The following GALNT13 variants were observed in gnomAD, a reference collection of about 807,000 sequenced individuals.
GALNT13 encodes the protein polypeptide N-acetylgalactosaminyltransferase 13, also known as UDP-GalNAc:polypeptide N-acetylgalactosaminyltransferase 13.
A neutral mutation model predicts 64.2 loss-of-function variants in GALNT13; 28 were observed. That is an observed-to-expected ratio of 0.44 (90% confidence interval 0.32 to 0.60). GALNT13 has a LOEUF of 0.60. Among genes scored for constraint, GALNT13 ranks in the 20% least tolerant of loss-of-function variants. The pLI is 0.05. For synonymous variants in GALNT13, 214 were observed against 224.6 expected (o/e 0.95, Z 0.42); for missense variants, 577 against 669.8 (o/e 0.86, Z 1.53).
chr2:153,469,371 C>A, the GALNT13 span, among the ~76,000 whole-genome samples: 1 of 152,092 alleles, frequency 6.6e-6, no homozygotes, highest in Non-Finnish European at 1.5e-5. Context: ...TCCAACCACA[C>A]TATCAGCAAC....
chr2:153,554,752 G>T, the GALNT13 span, among the ~76,000 whole-genome samples: 9 of 151,890 alleles, frequency 5.9e-5, no homozygotes, highest in East Asian at 1.7e-3. Flanking sequence ...GTGCCTTATT[G>T]GAGAACTGAA....
chr2:154,450,780 A>G lies in GALNT13; in HGVS notation c.*229A>G. On this transcript the variant is annotated 3_prime_UTR_variant, in exon 13 of 13. Transcript: ENST00000392825. The stretch of plus-strand genomic sequence containing the variant: ...AATAATAGCAAACTACTATTAAACA[A>G]CAGAACAACTTGTAAAACAAATTGT... 2.5e-6 allele frequency: 1 copy of G among 395,712 alleles called. No homozygotes were observed. 24.5% of individuals were successfully genotyped at this position (395,712 alleles called of 1,614,324 possible).
chr2:153,397,290 G>A, the GALNT13 span, among the ~76,000 whole-genome samples: 1 of 152,048 alleles, frequency 6.6e-6, no homozygotes, highest in Non-Finnish European at 1.5e-5. Context: ...ATTTTACATA[G>A]CATACATGTT....
chr2:153,922,123 T>C (rs915083269), intron 2 of GALNT13, among the ~76,000 whole-genome samples: 4 of 152,154 alleles, frequency 2.6e-5, no homozygotes, highest in Non-Finnish European at 4.4e-5. Context: ...AATAAAATGT[T>C]GATTGCTATT....
At chr2:154,126,834 G>C (rs1439967035) in intron 3 of GALNT13, among the ~76,000 whole-genome samples, 1 of 151,900 alleles carries the variant, frequency 6.6e-6, no homozygotes, top group Non-Finnish European at 1.5e-5. Flanking sequence ...TATTCACTTG[G>C]GGGTCTCCCA....
At chr2:153,188,819 T>C in the GALNT13 span, among the ~76,000 whole-genome samples, 1 of 152,180 alleles carries the variant, frequency 6.6e-6, no homozygotes, top group Non-Finnish European at 1.5e-5. Flanking sequence ...CTATTTCTTA[T>C]ATGCAAGAAA....
intron 12 of GALNT13, among the ~76,000 whole-genome samples, chr2:154,442,481 A>G (rs1304949746): frequency 6.6e-6 from 1 of 152,126 alleles, no homozygotes; most frequent in African/African-American, 2.4e-5. Flanking sequence ...GGGCATCATT[A>G]GCAAAATTGT....
At chr2:153,602,935 G>C in the GALNT13 span, among the ~76,000 whole-genome samples, 1 of 151,726 alleles carries the variant, frequency 6.6e-6, no homozygotes, top group African/African-American at 2.4e-5. Context: ...ATACAAGATG[G>C]GTCTCAATTC....
the GALNT13 span, chr2:153,371,203 C>T: frequency 3.3e-5 from 5 of 152,170 alleles, no homozygotes; most frequent in African/African-American, 9.6e-5. Context: ...TAATACGGGT[C>T]ATCTCCAAAA....
the GALNT13 span, among the ~76,000 whole-genome samples, chr2:153,236,192 T>A: frequency 6.6e-6 from 1 of 151,974 alleles, no homozygotes; most frequent in East Asian, 1.9e-4. Flanking sequence ...CTAACAGAGG[T>A]TGGTTCATGA....
the GALNT13 span, among the ~76,000 whole-genome samples, chr2:153,381,896 G>A: frequency 6.6e-6 from 1 of 152,170 alleles, no homozygotes; most frequent in Admixed American, 6.5e-5. Flanking sequence ...CAGAAACAAA[G>A]CACTGTTACA....
At chr2:153,094,911 T>G in the GALNT13 span, among the ~76,000 whole-genome samples, 3 of 152,112 alleles carry the variant, frequency 2.0e-5, no homozygotes, top group African/African-American at 4.8e-5. Flanking sequence ...GGACTTAAAT[T>G]TTAGACCTAA....
At chr2:153,167,991 G>A in the GALNT13 span, among the ~76,000 whole-genome samples, 2 of 152,162 alleles carry the variant, frequency 1.3e-5, no homozygotes, top group African/African-American at 2.4e-5. Flanking sequence ...CTCTCAAAAT[G>A]TCCACCATGC....
chr2:154,121,209 T>C (rs1420933706), intron 3 of GALNT13, among the ~76,000 whole-genome samples: 3 of 152,214 alleles, frequency 2.0e-5, no homozygotes, highest in Admixed American at 6.5e-5. Flanking sequence ...TTTCCAAGTA[T>C]TGGAATTTTC....
At chr2:154,351,771 T>A (rs1304835200) in intron 9 of GALNT13, among the ~76,000 whole-genome samples, 1 of 144,440 alleles carries the variant, frequency 6.9e-6, no homozygotes, top group African/African-American at 2.5e-5. Flanking sequence ...ACAATAAATT[T>A]TGTATAAGAC....
the GALNT13 span, among the ~76,000 whole-genome samples, chr2:153,630,810 T>TTATTTATA: frequency 3.4e-5 from 1 of 29,510 alleles, no homozygotes; most frequent in Non-Finnish European, 7.1e-5. Context: ...TATATATATT[T>TTATTTATA]TTTTTTTTTT....
the GALNT13 span, among the ~76,000 whole-genome samples, chr2:153,475,556 G>A: frequency 1.3e-5 from 2 of 152,158 alleles, no homozygotes; most frequent in Non-Finnish European, 2.9e-5. Context: ...TCAACTTTCA[G>A]GACTTTCAGG....
intron 3 of GALNT13, among the ~76,000 whole-genome samples, chr2:154,070,390 A>G (rs571694434): frequency 6.6e-6 from 1 of 152,324 alleles, no homozygotes; most frequent in Non-Finnish European, 1.5e-5. Flanking sequence ...TGATAATACC[A>G]TTCAAAATAG....
intron 12 of GALNT13, among the ~76,000 whole-genome samples, chr2:154,444,065 T>G (rs1379215476): frequency 1.3e-5 from 2 of 152,098 alleles, no homozygotes; most frequent in Non-Finnish European, 2.9e-5. Context: ...TATAGCTGGA[T>G]GTAGTGGCAT....
Sources: gnomAD v4.1 joint callset for allele counts (sites outside exome capture counted in the v4.1 genomes callset) on GRCh38, gnomAD v4.1.1 for gene constraint, MANE v1.5 for transcripts, NCBI Gene and HGNC (gene_info 2026-07-23, HGNC 2026-07-21) for gene names.